WWOX: variants seen among roughly 807,000 people sequenced by gnomAD.
WWOX encodes WW domain-containing oxidoreductase.
Under a neutral mutation model 46.2 loss-of-function variants are expected in WWOX, and 69 were observed. The ratio of observed to expected loss-of-function variants is 1.49; its 90% CI spans 1.23 to 1.82. WWOX has a LOEUF of 1.82. WWOX is among the 40% of genes most tolerant of loss of function. The probability of loss-of-function intolerance (pLI) is 0.00; values close to 1 mark genes in which losing one functional copy is unlikely to be tolerated. For missense variants in WWOX, 919 were observed against 542.6 expected, an observed-to-expected ratio of 1.69 and a Z score of -6.89; for synonymous variants, 359 against 202.6, an observed-to-expected ratio of 1.77 and a Z score of -6.56.
At chr16:78,801,932 A>G (rs748573608) in intron 8 of WWOX, among the ~76,000 whole-genome samples, 3 of 152,012 alleles carry the variant, frequency 2.0e-5, no homozygotes, top group Admixed American at 6.5e-5. Flanking sequence ...ACCTCTTTCA[A>G]TGTTTTTTCA....
At chr16:78,645,413 CT>C (rs1237056918) in intron 8 of WWOX, among the ~76,000 whole-genome samples, 1 of 152,052 alleles carries the variant, frequency 6.6e-6, no homozygotes, top group African/African-American at 2.4e-5. Context: ...TGTCTTAGTC[CT>C]TTTGTGTTGC....
intron 5 of WWOX, among the ~76,000 whole-genome samples, chr16:78,245,264 G>A (rs2037781133): frequency 6.6e-6 from 1 of 152,188 alleles, no homozygotes; most frequent in Non-Finnish European, 1.5e-5. Context: ...AGGAACCACG[G>A]TTTAGTTCAT....
chr16:78,616,294 A>G (rs1243571757), intron 8 of WWOX, among the ~76,000 whole-genome samples: 2 of 151,984 alleles, frequency 1.3e-5, no homozygotes, highest in Non-Finnish European at 2.9e-5. Context: ...AATGCCATGG[A>G]CTGAATAATA....
intron 4 of WWOX, among the ~76,000 whole-genome samples, chr16:78,121,124 T>G (rs1248172843): frequency 6.6e-6 from 1 of 152,198 alleles, no homozygotes; most frequent in Non-Finnish European, 1.5e-5. Flanking sequence ...GTTTCCTTTC[T>G]GATTGTTGAC....
Position 78,942,340 on chromosome 16 carries a change from G to T in WWOX, c.1057-269268G>T, listed in dbSNP as rs181796991. ...TAAAAGTCATCAAGCTGATTGAAAA[G>T]TCAAGAACCTCTAGCGCAGCCTACC... On this transcript the variant is annotated intron_variant, in intron 8 of 8. Coordinates refer to ENST00000566780, the MANE Select transcript of WWOX (RefSeq NM_016373.4). 2.0e-5 allele frequency among the ~76,000 whole-genome samples: 3 copies of T among 152,272 alleles called. No individual in the cohort carries two copies. In the East Asian group the frequency reaches 5.8e-4, roughly 29 times the overall value.
At chr16:78,658,714 T>C (rs1002719896) in intron 8 of WWOX, among the ~76,000 whole-genome samples, 1 of 152,120 alleles carries the variant, frequency 6.6e-6, no homozygotes. Context: ...ACTCAAGTCA[T>C]TGGATTTAGG....
At chr16:78,818,551 C>T (rs541215796) in intron 8 of WWOX, among the ~76,000 whole-genome samples, 31 of 152,250 alleles carry the variant, frequency 2.0e-4, no homozygotes, top group African/African-American at 3.4e-4. Context: ...GCCAACACAG[C>T]GAGACCCAAT....
rs113829784 is a variant in WWOX at position 78,706,692 on chromosome 16, G to C, written c.1056+273940G>C. Among the ~76,000 whole-genome samples, 654 of 152,204 alleles carry C rather than the reference G, an allele frequency of 4.3e-3. 2 individuals carry two copies. The highest frequency in any genetic ancestry group is 0.015 in the African/African-American group (633 of 41,514). ...AAGGCTCTTTCAGCTGCTCTTTCTC[G>C]ATCCTTGCAGTTTCCCTTTTGACCT... is the stretch of plus-strand genomic sequence containing the variant. On this transcript the variant is annotated intron_variant, in intron 8 of 8. Transcript: ENST00000566780.
chr16:78,998,067 G>C lies in WWOX; in HGVS notation c.1057-213541G>C, dbSNP rs549242392. Among the ~76,000 whole-genome samples, 14 of 152,146 alleles carry C rather than the reference G, an allele frequency of 9.2e-5. No homozygotes were observed. The East Asian group carries it at 2.7e-3, about 29-fold the overall frequency. On this transcript the variant is annotated intron_variant, in intron 8 of 8. Coordinates refer to ENST00000566780, the MANE Select transcript of WWOX (RefSeq NM_016373.4). Reference sequence around the variant, plus strand: ...AATTTTGTGTTTTTAGTAAAGACAGGGTTTCTCCCTGTTGTTCAGGGTGGT... The same window carrying C: ...AATTTTGTGTTTTTAGTAAAGACAGCGTTTCTCCCTGTTGTTCAGGGTGGT...
chr16:78,498,408 G>T (rs1326933199), intron 8 of WWOX, among the ~76,000 whole-genome samples: 3 of 152,044 alleles, frequency 2.0e-5, no homozygotes, highest in Non-Finnish European at 4.4e-5. Flanking sequence ...CCCACCTAGG[G>T]GCAAGGTTTT....
chr16:78,912,377 C>G (rs1424877807), intron 8 of WWOX, among the ~76,000 whole-genome samples: 1 of 151,938 alleles, frequency 6.6e-6, no homozygotes, highest in Non-Finnish European at 1.5e-5. Context: ...GCATTTTGCA[C>G]ATGACAAATC....
intron 8 of WWOX, among the ~76,000 whole-genome samples, chr16:79,098,498 A>G (rs2049122434): frequency 2.6e-5 from 4 of 152,360 alleles, no homozygotes; most frequent in African/African-American, 9.6e-5. Context: ...AATCTTCTTC[A>G]CCCCTTCCCT....
At chr16:78,885,275 A>G (rs1188019195) in intron 8 of WWOX, among the ~76,000 whole-genome samples, 2 of 149,294 alleles carry the variant, frequency 1.3e-5, no homozygotes, top group South Asian at 2.1e-4. Flanking sequence ...GCCTTCTTCC[A>G]TCTGTATTTT....
chr16:78,889,115 G>A, intron 8 of WWOX, among the ~76,000 whole-genome samples: 1 of 152,096 alleles, frequency 6.6e-6, no homozygotes, highest in Non-Finnish European at 1.5e-5. Context: ...CTGCCCTGTG[G>A]AGTCGACTCT....
At chr16:78,582,919 A>G (rs925379007) in intron 8 of WWOX, among the ~76,000 whole-genome samples, 5 of 152,194 alleles carry the variant, frequency 3.3e-5, no homozygotes, top group Admixed American at 3.3e-4. Context: ...GGGACAAGAA[A>G]TGATGAAAAG....
chr16:79,017,528 A>G (rs1010166314), intron 8 of WWOX: 10 of 147,250 alleles, frequency 6.8e-5, no homozygotes, highest in African/African-American at 2.0e-4. Context: ...AGGACCAGAG[A>G]GTATATATTT....
intron 8 of WWOX, among the ~76,000 whole-genome samples, chr16:78,845,061 C>T (rs2052262107): frequency 6.6e-6 from 1 of 151,964 alleles, no homozygotes; most frequent in East Asian, 1.9e-4. Flanking sequence ...AATGGAAAAC[C>T]TTCATTCCAA....
At chr16:79,112,272 A>C (rs1241971036) in intron 8 of WWOX, among the ~76,000 whole-genome samples, 1 of 152,204 alleles carries the variant, frequency 6.6e-6, no homozygotes, top group Non-Finnish European at 1.5e-5. Flanking sequence ...ACGGACAGGC[A>C]ACAGATCATC....
chr16:78,423,172 G>A (rs542449714), intron 6 of WWOX, among the ~76,000 whole-genome samples: 8 of 152,110 alleles, frequency 5.3e-5, no homozygotes, highest in Non-Finnish European at 7.4e-5. Flanking sequence ...GGCGTGAGCC[G>A]CCATGCCTGC....
Sources: gnomAD v4.1 joint callset for allele counts (sites outside exome capture counted in the v4.1 genomes callset) on GRCh38, gnomAD v4.1.1 for gene constraint, MANE v1.5 for transcripts, NCBI Gene and HGNC (gene_info 2026-07-23, HGNC 2026-07-21) for gene names.